Variants in SMAD9 observed in about 807,000 individuals in gnomAD.
The protein encoded by SMAD9 is MAD homolog 9.
SMAD9 carries 36 observed loss-of-function variants against 46.1 expected under a neutral mutation model. That is an observed-to-expected ratio of 0.78 (90% confidence interval 0.60 to 1.03). The LOEUF (loss-of-function observed/expected upper bound fraction) is 1.03, where lower values mean the gene tolerates loss of function less well. Among genes scored for constraint, SMAD9 ranks in the 50% least tolerant of loss-of-function variants. SMAD9 has a pLI of 0.00. For missense variants in SMAD9, 572 were observed against 599.8 expected (o/e 0.95, Z 0.48); for synonymous variants, 245 against 237.1 (o/e 1.03, Z -0.31).
At chr13:36,914,455 C>A (rs552773052) in intron 1 of SMAD9, among the ~76,000 whole-genome samples, 1 of 152,134 alleles carries the variant, frequency 6.6e-6, no homozygotes, top group Admixed American at 6.5e-5. Context: ...GGAGGTGGAG[C>A]TTGCAGTGAG....
At chr13:36,903,444 C>T (rs1056529257) in intron 1 of SMAD9, among the ~76,000 whole-genome samples, 2 of 152,142 alleles carry the variant, frequency 1.3e-5, no homozygotes, top group African/African-American at 2.4e-5. Flanking sequence ...CATTTCCAGG[C>T]TTCAATGGCA....
chr13:36,880,742 T>G (rs2058395613), intron 1 of SMAD9, among the ~76,000 whole-genome samples: 1 of 152,164 alleles, frequency 6.6e-6, no homozygotes, highest in South Asian at 2.1e-4. Context: ...ACAATCTAGG[T>G]GCCATTTATT....
At chr13:36,899,994 G>C (rs1332282599) in intron 1 of SMAD9, among the ~76,000 whole-genome samples, 1 of 152,074 alleles carries the variant, frequency 6.6e-6, no homozygotes, top group Non-Finnish European at 1.5e-5. Flanking sequence ...TGGCCTGCAA[G>C]GTCCTACACC....
chr13:36,902,321 G>T (rs553076602), intron 1 of SMAD9, among the ~76,000 whole-genome samples: 2 of 152,026 alleles, frequency 1.3e-5, no homozygotes, highest in Non-Finnish European at 2.9e-5. Context: ...ACAGATGTTC[G>T]GGTTTATTTC....
chr13:36,869,009 C>A (rs767692557), intron 3 of SMAD9, among the ~76,000 whole-genome samples: 12 of 151,598 alleles, frequency 7.9e-5, no homozygotes, highest in Admixed American at 6.6e-4. Context: ...ATAAAACATA[C>A]ACAAAGGGGC....
chr13:36,867,237 A>G (rs999466456), intron 4 of SMAD9, 36 bp downstream of exon 4: 5 of 1,351,832 alleles, frequency 3.7e-6, no homozygotes, highest in Non-Finnish European at 5.2e-6. Flanking sequence ...ATACTTTTGG[A>G]AAATAGCTAC....
intron 3 of SMAD9, among the ~76,000 whole-genome samples, chr13:36,872,095 C>T (rs996844996): frequency 6.6e-6 from 1 of 152,126 alleles, no homozygotes; most frequent in Non-Finnish European, 1.5e-5. Flanking sequence ...CCTTTCCCTT[C>T]CATATGCTTT....
chr13:36,908,808 A>T (rs2058638006), intron 1 of SMAD9, among the ~76,000 whole-genome samples: 1 of 152,228 alleles, frequency 6.6e-6, no homozygotes, highest in African/African-American at 2.4e-5. Flanking sequence ...CTCACTGTAA[A>T]ATCAGAGACT....
intron 1 of SMAD9, among the ~76,000 whole-genome samples, chr13:36,915,511 G>C (rs896699833): frequency 1.3e-5 from 2 of 152,036 alleles, no homozygotes; most frequent in African/African-American, 2.4e-5. Context: ...CCCCACCAGT[G>C]AATCAGCTAA....
At chr13:36,887,228 T>G (rs1333255538) in intron 1 of SMAD9, among the ~76,000 whole-genome samples, 2 of 135,268 alleles carry the variant, frequency 1.5e-5, no homozygotes, top group Middle Eastern at 3.4e-3. Flanking sequence ...TTTTTTTTTT[T>G]TTTTTTTTTT....
Position 36,846,913 on chromosome 13 carries a change from G to C in SMAD9, c.*1763C>G, listed in dbSNP as rs2058041679. 6.6e-6 allele frequency: 1 copy of C among 152,080 alleles called. No individual in the cohort carries two copies. The allele number at this position is 152,080 out of a possible 1,614,324, so 9.4% of individuals were successfully genotyped here. A position where few individuals can be genotyped will look rare whatever the true frequency, so the allele number is the denominator to read the frequency against. On this transcript the variant is annotated 3_prime_UTR_variant, in exon 7 of 7. Coordinates refer to ENST00000379826, the MANE Select transcript of SMAD9 (RefSeq NM_001127217.3). ...TAGGTTCTCGGCTCCCTGAGGGCTG[G>C]GACTGTCTCTTATTTACATTTGATT...
At chr13:36,898,504 T>C (rs1020204435) in intron 1 of SMAD9, among the ~76,000 whole-genome samples, 5 of 151,906 alleles carry the variant, frequency 3.3e-5, no homozygotes, top group Non-Finnish European at 7.4e-5. Flanking sequence ...GATGTACACA[T>C]CCTTAACAAA....
At chr13:36,876,628 T>TA (rs2058347885) in intron 2 of SMAD9, among the ~76,000 whole-genome samples, 2 of 152,266 alleles carry the variant, frequency 1.3e-5, no homozygotes, top group South Asian at 4.1e-4. Context: ...GACTGGAAAT[T>TA]AAAAAAATAA....
intron 1 of SMAD9, among the ~76,000 whole-genome samples, chr13:36,892,867 A>C (rs193111213): frequency 3.3e-5 from 5 of 152,338 alleles, no homozygotes; most frequent in African/African-American, 1.2e-4. Flanking sequence ...ACAACTCAGC[A>C]TTCTCCAGTC....
chr13:36,878,366 T>C (rs1353578078), intron 2 of SMAD9, among the ~76,000 whole-genome samples: 2 of 152,228 alleles, frequency 1.3e-5, no homozygotes, highest in Non-Finnish European at 2.9e-5. Flanking sequence ...ACCATTGTGG[T>C]TAGGATTGCC....
At chr13:36,900,350 T>A (rs9547693) in intron 1 of SMAD9, among the ~76,000 whole-genome samples, 2 of 151,818 alleles carry the variant, frequency 1.3e-5, no homozygotes, top group South Asian at 2.1e-4. Context: ...GCGTGATCTC[T>A]GCTCACTGCA....
chr13:36,856,620 G>A (rs999679088), intron 5 of SMAD9, among the ~76,000 whole-genome samples: 6 of 152,156 alleles, frequency 3.9e-5, no homozygotes, highest in Admixed American at 3.9e-4. Context: ...GGCCAACAAT[G>A]TTATTTGCAT....
rs755152647 is a variant in SMAD9 at position 36,879,400 on chromosome 13, C to T, written c.290G>A (p.Arg97His). 3 of 1,613,974 alleles carry T rather than the reference C, an allele frequency of 1.9e-6. No homozygotes were observed. Among genetic ancestry groups the T allele is most frequent in the East Asian group, 2.2e-5 (1 of 44,882 alleles). ...LPHVIYCRVW[R>H]WPDLQSHHEL... The stretch of plus-strand genomic sequence containing the variant: ...GTGGTGGGACTGCAGATCCGGCCAG[C>T]GCCACACGCGACAGTAAATCACATG... The change falls in exon 2 of 7, where the codon CGC becomes CAC. Residue 97 changes from arginine to histidine, a missense_variant. Arg to His is a conservative substitution (Grantham distance 29). Coordinates refer to ENST00000379826, the MANE Select transcript of SMAD9 (RefSeq NM_001127217.3).
At chr13:36,854,865 TATAA>T (rs1234492875) in intron 5 of SMAD9, among the ~76,000 whole-genome samples, 4 of 152,226 alleles carry the variant, frequency 2.6e-5, no homozygotes, top group African/African-American at 9.6e-5. Context: ...ATATAAATCA[TATAA>T]ATAATGTCTA....
Sources: allele counts gnomAD v4.1 joint callset (sites outside exome capture counted in the v4.1 genomes callset), GRCh38; gene constraint gnomAD v4.1.1; transcripts MANE v1.5; gene names NCBI Gene and HGNC (gene_info 2026-07-23, HGNC 2026-07-21).